Variants in CPNE4 observed in about 807,000 individuals in gnomAD.
CPNE4 encodes the protein copine 4.
CPNE4 carries 25 observed loss-of-function variants against 67.9 expected under a neutral mutation model. The ratio of observed to expected loss-of-function variants is 0.37; its 90% confidence interval spans 0.27 to 0.51. The LOEUF (loss-of-function observed/expected upper bound fraction) is 0.51, where lower values mean the gene tolerates loss of function less well. Ranked by LOEUF, CPNE4 falls within the 20% of genes least tolerant of loss-of-function variation. The pLI is 0.93. For missense variants in CPNE4, 464 were observed against 690.8 expected (o/e 0.67, Z 3.68); for synonymous variants, 242 against 244.9 (o/e 0.99, Z 0.11).
chr3:131,839,391 T>C (rs1293702366), intron 2 of CPNE4, among the ~76,000 whole-genome samples: 1 of 151,426 alleles, frequency 6.6e-6, no homozygotes, highest in African/African-American at 2.4e-5. Context: ...GTAAAATTAA[T>C]TTTAAAATCA....
intron 1 of CPNE4, among the ~76,000 whole-genome samples, chr3:131,947,846 C>A (rs2071601531): frequency 6.6e-6 from 1 of 152,138 alleles, no homozygotes. Flanking sequence ...AATTTACACC[C>A]CCATCAACAG....
chr3:131,570,018 G>A lies in CPNE4; in HGVS notation c.927+5053C>T, dbSNP rs151247879. On this transcript the variant is annotated intron_variant, in intron 10 of 15. Transcript: ENST00000429747. ...TAATCATAGAGTAACTCTGCTTTACGTTTTTGTAACACTATGTCATAAACA... is the reference window on the plus strand; with the variant it reads ...TAATCATAGAGTAACTCTGCTTTACATTTTTGTAACACTATGTCATAAACA... Among the ~76,000 whole-genome samples, 70 of 151,038 alleles carry A rather than the reference G, an allele frequency of 4.6e-4. No homozygotes were observed. The East Asian group carries it at 9.9e-3, about 21-fold the overall frequency.
At chr3:131,913,614 A>G (rs551281486) in intron 1 of CPNE4, among the ~76,000 whole-genome samples, 1 of 152,284 alleles carries the variant, frequency 6.6e-6, no homozygotes, top group African/African-American at 2.4e-5. Flanking sequence ...TCTACCAAGT[A>G]TATGTTCTTT....
At chr3:131,799,903 C>CGTGTGTGTGT (rs137858174) in intron 2 of CPNE4, among the ~76,000 whole-genome samples, 1 of 136,082 alleles carries the variant, frequency 7.3e-6, no homozygotes, top group African/African-American at 2.9e-5. Flanking sequence ...TTTGTTGGTG[C>CGTGTGTGTGT]GTGTGTGTGT....
At chr3:131,609,593 A>G (rs1939710562) in intron 7 of CPNE4, among the ~76,000 whole-genome samples, 1 of 152,188 alleles carries the variant, frequency 6.6e-6, no homozygotes, top group Admixed American at 6.5e-5. Context: ...TTGACTAAGA[A>G]ACACATCTTC....
intron 7 of CPNE4, among the ~76,000 whole-genome samples, chr3:131,632,808 G>A (rs946892416): frequency 7.9e-5 from 12 of 151,958 alleles, no homozygotes; most frequent in South Asian, 2.1e-4. Flanking sequence ...TTAACATTTC[G>A]GTCCTATAAT....
chr3:131,639,593 T>C (rs1262723785), intron 7 of CPNE4, among the ~76,000 whole-genome samples: 1 of 152,090 alleles, frequency 6.6e-6, no homozygotes, highest in Non-Finnish European at 1.5e-5. Context: ...GAAGAACTGG[T>C]ACCAATTCTA....
chr3:131,537,009 T>G (rs990224933), intron 15 of CPNE4, among the ~76,000 whole-genome samples: 2 of 152,170 alleles, frequency 1.3e-5, no homozygotes, highest in Non-Finnish European at 2.9e-5. Flanking sequence ...CTCTCCTGGT[T>G]AAAAGTTAAA....
chr3:131,683,504 G>A (rs1020076634), intron 6 of CPNE4, among the ~76,000 whole-genome samples: 1 of 152,204 alleles, frequency 6.6e-6, no homozygotes, highest in African/African-American at 2.4e-5. Context: ...CAAGTTGCAA[G>A]ACAAAGTTAT....
intron 2 of CPNE4, among the ~76,000 whole-genome samples, chr3:131,790,251 A>G (rs1487605921): frequency 1.3e-5 from 2 of 152,162 alleles, no homozygotes; most frequent in South Asian, 2.1e-4. Context: ...ATGAAAGACT[A>G]TGCTAACTCC....
intron 2 of CPNE4, among the ~76,000 whole-genome samples, chr3:131,895,978 C>T (rs190425823): frequency 6.6e-6 from 1 of 152,040 alleles, no homozygotes; most frequent in East Asian, 1.9e-4. Flanking sequence ...CCAGTGGAGG[C>T]CAAGGTGGGC....
intron 7 of CPNE4, among the ~76,000 whole-genome samples, chr3:131,637,720 C>G (rs928374985): frequency 2.0e-5 from 3 of 152,038 alleles, no homozygotes; most frequent in Non-Finnish European, 4.4e-5. Context: ...AAGATCATCA[C>G]CTAGGCACAG....
intron 1 of CPNE4, among the ~76,000 whole-genome samples, chr3:131,914,683 T>C (rs1218271861): frequency 1.3e-5 from 2 of 152,166 alleles, no homozygotes; most frequent in Non-Finnish European, 2.9e-5. Flanking sequence ...CGTTTAAAAA[T>C]AACTTGCTTT....
intron 7 of CPNE4, among the ~76,000 whole-genome samples, chr3:131,649,431 C>A (rs757110431): frequency 6.6e-6 from 1 of 152,170 alleles, no homozygotes; most frequent in East Asian, 1.9e-4. Flanking sequence ...ACGAGAGGCA[C>A]CAGCAGGGGA....
chr3:131,866,763 G>A (rs76375095), intron 2 of CPNE4, among the ~76,000 whole-genome samples: 2,434 of 152,304 alleles, frequency 0.016, 33 homozygotes, highest in Non-Finnish European at 0.026. Flanking sequence ...CAGATAACAT[G>A]GAAACAGGGA....
chr3:131,995,477 A>G (rs756917670), intron 1 of CPNE4, among the ~76,000 whole-genome samples: 1 of 152,100 alleles, frequency 6.6e-6, no homozygotes, highest in African/African-American at 2.4e-5. Context: ...AAAACATTGC[A>G]TCCGACCATG....
intron 2 of CPNE4, among the ~76,000 whole-genome samples, chr3:131,904,756 A>T (rs954668265): frequency 7.2e-5 from 11 of 152,242 alleles, no homozygotes; most frequent in Admixed American, 6.5e-4. Flanking sequence ...ACCTATGGAT[A>T]GGACTGTCAT....
At chr3:131,823,928 C>T (rs571444498) in intron 2 of CPNE4, among the ~76,000 whole-genome samples, 60 of 152,246 alleles carry the variant, frequency 3.9e-4, no homozygotes, top group Admixed American at 7.2e-4. Context: ...TTTGCAGCTC[C>T]TTTAACACCC....
chr3:132,019,846 CAGAT>C (rs1309170980), intron 1 of CPNE4, among the ~76,000 whole-genome samples: 2 of 152,054 alleles, frequency 1.3e-5, no homozygotes, highest in Non-Finnish European at 2.9e-5. Flanking sequence ...CCAAGAGGAC[CAGAT>C]AAAGTCTATT....
Sources: allele counts gnomAD v4.1 joint callset (sites outside exome capture counted in the v4.1 genomes callset), GRCh38; gene constraint gnomAD v4.1.1; transcripts MANE v1.5; gene names NCBI Gene and HGNC (gene_info 2026-07-23, HGNC 2026-07-21).